RBFOX1: variants seen among roughly 807,000 people sequenced by gnomAD.
The protein encoded by RBFOX1 is RNA binding fox-1 homolog 1, also known as RNA binding protein fox-1 homolog 1.
Under a neutral mutation model 57.7 loss-of-function variants are expected in RBFOX1, and 8 were observed. The observed-to-expected ratio is 0.14, with a 90% CI of 0.08 to 0.25. RBFOX1 has a LOEUF of 0.25. Among genes scored for constraint, RBFOX1 ranks in the 10% least tolerant of loss-of-function variants. The probability of loss-of-function intolerance (pLI) is 1.00; values close to 1 mark genes in which losing one functional copy is unlikely to be tolerated. For missense variants in RBFOX1, 611 were observed against 548.5 expected (o/e 1.11, Z -1.14); for synonymous variants, 326 against 222.4 (o/e 1.47, Z -4.15).
chr16:6,860,979 C>G (rs565382004), intron 3 of RBFOX1, among the ~76,000 whole-genome samples: 6 of 152,040 alleles, frequency 3.9e-5, no homozygotes, highest in Non-Finnish European at 5.9e-5. Context: ...CGAGATAGAG[C>G]TATGTGGGAA....
intron 3 of RBFOX1, among the ~76,000 whole-genome samples, chr16:6,675,425 A>T (rs946620243): frequency 6.6e-6 from 1 of 152,136 alleles, no homozygotes; most frequent in African/African-American, 2.4e-5. Flanking sequence ...AAGCAGAGCA[A>T]ACTGGCCCAG....
intron 4 of RBFOX1, among the ~76,000 whole-genome samples, chr16:5,883,042 G>C (rs990918727): frequency 4.6e-5 from 7 of 152,164 alleles, no homozygotes; most frequent in Non-Finnish European, 7.3e-5. Flanking sequence ...AGGATCTCCT[G>C]CTCAAAGCCT....
At chr16:5,639,941 C>G (rs2048806886) in intron 3 of RBFOX1, among the ~76,000 whole-genome samples, 1 of 152,238 alleles carries the variant, frequency 6.6e-6, no homozygotes, top group South Asian at 2.1e-4. Context: ...CTGAGCATCT[C>G]TTTTACTTTT....
Position 6,865,361 on chromosome 16 carries a change from A to G in RBFOX1, c.-15-186696A>G, listed in dbSNP as rs139078008. Among the ~76,000 whole-genome samples the G allele has an allele frequency of 6.8e-4, 103 of 152,264 alleles. 1 individual carries two copies. Among genetic ancestry groups the G allele is most frequent in the African/African-American group, 2.5e-3 (102 of 41,542 alleles). On this transcript the variant is annotated intron_variant, in intron 3 of 15. Transcript: ENST00000550418. Reference sequence around the variant, plus strand: ...CTTGAATAATATGTGTTCATTGTAGATAACATGAAAAATGCAGAAAAACAC... The same window carrying G: ...CTTGAATAATATGTGTTCATTGTAGGTAACATGAAAAATGCAGAAAAACAC...
chr16:7,401,901 C>G (rs933490910), intron 4 of RBFOX1, among the ~76,000 whole-genome samples: 7 of 152,034 alleles, frequency 4.6e-5, no homozygotes, highest in Non-Finnish European at 7.4e-5. Flanking sequence ...AATTTTATAC[C>G]CAGGCTCATG....
intron 14 of RBFOX1, among the ~76,000 whole-genome samples, chr16:7,689,671 T>C: frequency 6.6e-6 from 1 of 152,042 alleles, no homozygotes; most frequent in South Asian, 2.1e-4. Context: ...AGAAAAGTTG[T>C]GGGTGACAGG....
At chr16:6,695,413 CAAAAA>C (rs71145278) in intron 3 of RBFOX1, among the ~76,000 whole-genome samples, 4,424 of 108,622 alleles carry the variant, frequency 0.041, 48 homozygotes, top group African/African-American at 0.048. Context: ...GAAACTCTGT[CAAAAA>C]AAAAAAAAAA....
chr16:5,858,052 G>C (rs2057116625), intron 3 of RBFOX1, among the ~76,000 whole-genome samples: 2 of 152,188 alleles, frequency 1.3e-5, no homozygotes, highest in Admixed American at 1.3e-4. Flanking sequence ...TATGAGGTCA[G>C]TGGAAAGGAG....
intron 5 of RBFOX1, among the ~76,000 whole-genome samples, chr16:7,544,649 T>A (rs991856726): frequency 6.6e-6 from 1 of 152,132 alleles, no homozygotes; most frequent in African/African-American, 2.4e-5. Flanking sequence ...GAGCATGGTT[T>A]AGGCAACACC....
chr16:6,991,136 C>CA (rs35889519), intron 3 of RBFOX1, among the ~76,000 whole-genome samples: 1,643 of 53,032 alleles, frequency 0.031, 193 homozygotes, highest in African/African-American at 0.094. Context: ...ATTGTCTCTC[C>CA]AAAAAAAAAA....
intron 4 of RBFOX1, among the ~76,000 whole-genome samples, chr16:5,926,694 C>G (rs550762307): frequency 1.3e-5 from 2 of 152,308 alleles, no homozygotes; most frequent in African/African-American, 4.8e-5. Context: ...GACTTGGGGT[C>G]TGCAAACATT....
At chr16:6,771,631 T>A (rs2078314262) in intron 3 of RBFOX1, among the ~76,000 whole-genome samples, 1 of 152,178 alleles carries the variant, frequency 6.6e-6, no homozygotes, top group African/African-American at 2.4e-5. Flanking sequence ...CTGTGGACAA[T>A]TTTGCTCCTC....
At chr16:6,575,544 A>C (rs1294872010) in intron 2 of RBFOX1, among the ~76,000 whole-genome samples, 1 of 151,866 alleles carries the variant, frequency 6.6e-6, no homozygotes, top group African/African-American at 2.4e-5. Flanking sequence ...ACACATGTGA[A>C]CCATACATAC....
intron 2 of RBFOX1, among the ~76,000 whole-genome samples, chr16:5,481,708 C>G (rs1223859302): frequency 6.6e-6 from 1 of 152,160 alleles, no homozygotes; most frequent in Non-Finnish European, 1.5e-5. Flanking sequence ...GCCCGTGTGG[C>G]TTAGACAACA....
At chr16:5,526,200 C>T (rs4427801) in intron 2 of RBFOX1, among the ~76,000 whole-genome samples, 14,929 of 152,100 alleles carry the variant, frequency 0.098, 1,763 homozygotes, top group African/African-American at 0.28. Flanking sequence ...TTATCCTTGT[C>T]GAAGGAAGCT....
chr16:6,402,177 A>G (rs1369680832), intron 2 of RBFOX1, among the ~76,000 whole-genome samples: 2 of 151,918 alleles, frequency 1.3e-5, no homozygotes, highest in Non-Finnish European at 2.9e-5. Context: ...CATTTTATAC[A>G]TTTTGCTTGA....
chr16:5,952,587 T>G (rs1473853909), intron 4 of RBFOX1, among the ~76,000 whole-genome samples: 2 of 152,212 alleles, frequency 1.3e-5, no homozygotes, highest in African/African-American at 4.8e-5. Flanking sequence ...ATGCCCAGCC[T>G]ATGTATATAT....
At chr16:7,079,757 C>G (rs1337546198) in intron 4 of RBFOX1, among the ~76,000 whole-genome samples, 3 of 151,624 alleles carry the variant, frequency 2.0e-5, no homozygotes, top group Non-Finnish European at 4.4e-5. Flanking sequence ...GGTGGTTACA[C>G]AGGGTGGTGT....
At chr16:6,703,285 A>T (rs1210082359) in intron 3 of RBFOX1, among the ~76,000 whole-genome samples, 2 of 148,386 alleles carry the variant, frequency 1.3e-5, no homozygotes, top group Non-Finnish European at 3.0e-5. Flanking sequence ...TTTCATAGAT[A>T]AGAAAGTGGC....
Sources: gnomAD v4.1 joint callset for allele counts (sites outside exome capture counted in the v4.1 genomes callset) on GRCh38, gnomAD v4.1.1 for gene constraint, MANE v1.5 for transcripts, NCBI Gene and HGNC (gene_info 2026-07-23, HGNC 2026-07-21) for gene names.